The following NTHL1 variants were observed in gnomAD, a reference collection of about 807,000 sequenced individuals.
NTHL1 encodes the protein nth like DNA glycosylase 1.
NTHL1 carries 32 observed loss-of-function variants against 32.3 expected under a neutral mutation model. The observed-to-expected ratio is 0.99, with a 90% CI of 0.75 to 1.33. NTHL1 has a LOEUF of 1.33. NTHL1 is among the 40% of genes most tolerant of loss of function. The pLI, the probability that NTHL1 is intolerant of heterozygous loss-of-function variation, is 0.00. For synonymous variants in NTHL1, 188 were observed against 176.9 expected (o/e 1.06, Z -0.50); for missense variants, 501 against 414.1 (o/e 1.21, Z -1.82).
At chr16:2,047,569 G>T in intron 1 of NTHL1, 140 bp downstream of exon 1, 1 of 1,337,320 alleles carries the variant, frequency 7.5e-7, no homozygotes, top group Non-Finnish European at 9.9e-7. Flanking sequence ...GGAACGCAGG[G>T]CCGCACGTGG....
chr16:2,041,896 C>A (rs1242651350), intron 4 of NTHL1: 1 of 377,680 alleles, frequency 2.6e-6, no homozygotes, highest in Non-Finnish European at 5.2e-6. Context: ...GCGTGAGCCA[C>A]CACGCCTGGC....
rs2084321132 is a variant in NTHL1 at position 2,044,833 on chromosome 16, G to A, written c.355-33C>T. On this transcript the variant is annotated intron_variant, in intron 2 of 5. Transcript: ENST00000651570. The surrounding 1 kb of genome is among the most constrained non-coding windows in gnomAD (Gnocchi z 5.0). ...TGCAGTGACAGGGACCGGGGTGGCG[G>A]CGGGTCCTGGGTGATTCCCTGGCCA... The A allele has an allele frequency of 1.9e-6, 3 of 1,553,794 alleles. No homozygotes were observed. Among genetic ancestry groups the A allele is most frequent in the Non-Finnish European group, 1.7e-6 (2 of 1,147,420 alleles).
intron 2 of NTHL1, among the ~76,000 whole-genome samples, chr16:2,045,790 A>C (rs1484022099): frequency 6.6e-6 from 1 of 152,202 alleles, no homozygotes; most frequent in Non-Finnish European, 1.5e-5. Flanking sequence ...GCCTGTATCC[A>C]AGCCACCTGG....
Position 2,043,695 on chromosome 16 carries a change from G to C in NTHL1, c.557C>G (p.Ala186Gly). 3 of 1,612,118 alleles carry C rather than the reference G, an allele frequency of 1.9e-6. 1 individual carries two copies. In the South Asian group the frequency reaches 3.3e-5, roughly 18 times the overall value. The stretch of plus-strand genomic sequence containing the variant: ...CCCACCGTAGTGCTGCTGCAGGATG[G>C]CGCTGGTCTGCTTGATGTATTTCAC... ...SKVKYIKQTS[A>G]ILQQHYGGDI... The change falls in exon 4 of 6, where the codon GCC becomes GGC. Residue 186 changes from alanine to glycine, a missense_variant. Ala to Gly is a moderately conservative substitution (Grantham distance 60). Transcript: ENST00000651570. This position sits in a 1 kb window ranked among gnomAD's most constrained non-coding sequence, Gnocchi z 4.4.
intron 2 of NTHL1, among the ~76,000 whole-genome samples, chr16:2,045,419 T>A (rs2084331763): frequency 6.6e-6 from 1 of 152,120 alleles, no homozygotes; most frequent in African/African-American, 2.4e-5. Flanking sequence ...GCTTCGTGAA[T>A]CATCACACTA....
At position 2,043,688 on chromosome 16, in the gene NTHL1, C is replaced by T. The variant is rs1596219422; in HGVS notation, c.564G>A (p.Leu188=). 2.0e-5 allele frequency: 32 copies of T among 1,612,200 alleles called. No individual in the cohort carries two copies. The highest frequency in any genetic ancestry group is 2.7e-5 in the Non-Finnish European group (32 of 1,179,978). Residue 188 remains leucine, a synonymous_variant, in exon 4 of 6, where the codon CTG becomes CTA. Coordinates refer to ENST00000651570, the MANE Select transcript of NTHL1 (RefSeq NM_002528.7). This position sits in a 1 kb window ranked among gnomAD's most constrained non-coding sequence, Gnocchi z 4.4. ...GGATGTCCCCACCGTAGTGCTGCTG[C>T]AGGATGGCGCTGGTCTGCTTGATGT... ...VKYIKQTSAI[L]QQHYGGDIPA...
rs376251044 is a variant in NTHL1, at chr16:2,040,008, G to A, written c.831C>T (p.Phe277=). The A allele has an allele frequency of 1.6e-5, 25 of 1,611,456 alleles. No individual in the cohort carries two copies. The African/African-American group carries it at 1.6e-4, about 10-fold the overall frequency. The part of the protein sequence containing the change: ...WHEINGLLVG[F]GQQTCLPVHP... ...GCACAGGCAGACAGGTCTGCTGGCC[G>A]AAGCCCACCAAGAGTCCATTGATCT... Residue 277 remains phenylalanine (F), a synonymous_variant, in exon 6 of 6, where the codon TTC becomes TTT. Transcript: ENST00000651570.
At chr16:2,042,820 C>A (rs1236444001) in intron 4 of NTHL1, among the ~76,000 whole-genome samples, 2 of 128,074 alleles carry the variant, frequency 1.6e-5, no homozygotes, top group East Asian at 4.9e-4. Flanking sequence ...ACCCTCCCCT[C>A]TTCTCCCCGC....
At chr16:2,040,745 G>C (rs904084888) in intron 4 of NTHL1, among the ~76,000 whole-genome samples, 1 of 152,150 alleles carries the variant, frequency 6.6e-6, no homozygotes, top group Non-Finnish European at 1.5e-5. Flanking sequence ...GCACCTCTCA[G>C]CCCTCAGCCT....
chr16:2,041,326 C>T (rs908601860), intron 4 of NTHL1, among the ~76,000 whole-genome samples: 1 of 152,212 alleles, frequency 6.6e-6, no homozygotes, highest in African/African-American at 2.4e-5. Context: ...CAGTGAATGA[C>T]GAGGACTGCC....
rs1350924318 is a variant in NTHL1, at chr16:2,043,793, C to T, written c.526-67G>A. On this transcript the variant is annotated intron_variant, in intron 3 of 5. Transcript: ENST00000651570. The surrounding 1 kb of genome is among the most constrained non-coding windows in gnomAD (Gnocchi z 4.4). ...AGCCCAACCTGGGAGGATGCAGCCC[C>T]CAGGAGACCCACAGGTGGCCAGAGC... The T allele has an allele frequency of 1.3e-6, 2 of 1,586,116 alleles. No homozygotes were observed. The highest frequency in any genetic ancestry group is 2.7e-5 in the African/African-American group (2 of 74,608).
At position 2,041,882 on chromosome 16, in the gene NTHL1, A is replaced by G. The variant is rs1267684223; in HGVS notation, c.686-1644T>C. 39 of 366,406 alleles carry G rather than the reference A, an allele frequency of 1.1e-4. 2 individuals carry two copies. The highest frequency in any genetic ancestry group is 7.7e-4 in the South Asian group (38 of 49,294). The allele number at this position is 366,406 out of a possible 1,614,324, so 22.7% of individuals were successfully genotyped here. On this transcript the variant is annotated intron_variant, in intron 4 of 5. Coordinates refer to ENST00000651570, the MANE Select transcript of NTHL1 (RefSeq NM_002528.7). Reference sequence around the variant, plus strand: ...CTCGGCCTCCCAAAGTGCTGGGATTACAGGCGTGAGCCACCACGCCTGGCC... The same window carrying G: ...CTCGGCCTCCCAAAGTGCTGGGATTGCAGGCGTGAGCCACCACGCCTGGCC...
In NTHL1 at chr16:2,040,250, C is replaced by A; in HGVS notation, c.686-12G>T. On this transcript the variant is annotated splice_polypyrimidine_tract_variant and intron_variant, in intron 4 of 5. Transcript: ENST00000651570. ...ATGCGTGTCCACTGCTGCTGGGAGG[C>A]CAAGCGGGGTGAACAGGGGCACACT... 1 of 1,612,144 alleles carries A rather than the reference C, an allele frequency of 6.2e-7. No homozygotes were observed. The highest frequency in any genetic ancestry group is 8.5e-7 in the Non-Finnish European group (1 of 1,179,384).
At chr16:2,040,402 CCT>C in intron 4 of NTHL1, 164 bp from the exon 5 acceptor site, 3 of 709,588 alleles carry the variant, frequency 4.2e-6, no homozygotes, top group East Asian at 2.7e-5. Flanking sequence ...CTTGGCTGCC[CCT>C]GAGGTGCTGG....
chr16:2,042,266 C>T (rs1044381182), intron 4 of NTHL1: 2 of 361,640 alleles, frequency 5.5e-6, no homozygotes, highest in Admixed American at 3.6e-5. Flanking sequence ...CGATGCAGCA[C>T]CCCAGGGACA....
rs1596223055 is a variant in NTHL1 at position 2,046,248 on chromosome 16, G to C, written c.234C>G (p.Val78=). ...GEGAEPLKVP[V]WEPQDWQQQL... ...GTTGCTGCCAGTCCTGGGGCTCCCA[G>C]ACTGGCACCTTGAGGGGCTCAGCCC... is the stretch of plus-strand genomic sequence containing the variant. The change falls in exon 2 of 6, where the codon GTC becomes GTG. Residue 78 remains valine, a synonymous_variant. Coordinates refer to ENST00000651570, the MANE Select transcript of NTHL1 (RefSeq NM_002528.7). 6.2e-7 allele frequency: 1 copy of C among 1,613,250 alleles called. No individual in the cohort carries two copies. The highest frequency in any genetic ancestry group is 1.3e-5 in the African/African-American group (1 of 75,048).
At chr16:2,047,571 C>G in intron 1 of NTHL1, 138 bp downstream of exon 1, 1 of 1,346,378 alleles carries the variant, frequency 7.4e-7, no homozygotes, top group Non-Finnish European at 9.8e-7. Context: ...AACGCAGGGC[C>G]GCACGTGGGA....
intron 1 of NTHL1, chr16:2,047,273 TATA>T (rs1274677011): frequency 1.9e-5 from 4 of 210,258 alleles, no homozygotes; most frequent in East Asian, 1.5e-4. Flanking sequence ...GCAGGATAAA[TATA>T]ATAAGTGCCA....
rs1360613953 is a variant in NTHL1 at position 2,041,603 on chromosome 16, C to T, written c.686-1365G>A. Among the ~76,000 whole-genome samples the T allele has an allele frequency of 2.0e-5, 3 of 151,060 alleles. No homozygotes were observed. The East Asian group carries it at 5.9e-4, about 30-fold the overall frequency. On this transcript the variant is annotated intron_variant, in intron 4 of 5. Transcript: ENST00000651570. ...AATTACAGGCTCCTGCCACCACGCC[C>T]GGCTAATTTTTTTTTTTTTGGTGAG...
Sources: allele counts gnomAD v4.1 joint callset (sites outside exome capture counted in the v4.1 genomes callset), GRCh38; gene constraint gnomAD v4.1.1; non-coding constraint Gnocchi (gnomAD v3.1); transcripts MANE v1.5; gene names NCBI Gene and HGNC (gene_info 2026-07-23, HGNC 2026-07-21).